The following CCDC102B variants were observed in gnomAD, a reference collection of about 807,000 sequenced individuals.
The protein encoded by CCDC102B is coiled-coil domain-containing protein 102B.
CCDC102B carries 75 observed loss-of-function variants against 57.4 expected under a neutral mutation model. The ratio of observed to expected loss-of-function variants is 1.31; its 90% CI spans 1.08 to 1.58. The LOEUF (loss-of-function observed/expected upper bound fraction) is 1.58, where lower values mean the gene tolerates loss of function less well. Ranked by LOEUF, CCDC102B falls within the 40% of genes most tolerant of loss-of-function variation. CCDC102B has a pLI of 0.00. For synonymous variants in CCDC102B, 206 were observed against 201.9 expected (o/e 1.02, Z -0.17); for missense variants, 636 against 582.6 (o/e 1.09, Z -0.94).
chr18:68,838,105 G>A (rs1289438847), intron 2 of CCDC102B, among the ~76,000 whole-genome samples: 1 of 152,172 alleles, frequency 6.6e-6, no homozygotes, highest in African/African-American at 2.4e-5. Context: ...AATACCAATA[G>A]CATGAGTCCT....
intron 2 of CCDC102B, among the ~76,000 whole-genome samples, chr18:68,741,474 A>C (rs2033378211): frequency 1.3e-5 from 2 of 152,282 alleles, no homozygotes; most frequent in South Asian, 2.1e-4. Context: ...TGGGGATCTA[A>C]GTGGGACAGA....
At chr18:68,928,769 G>GTAA in intron 6 of CCDC102B, among the ~76,000 whole-genome samples, 1 of 151,846 alleles carries the variant, frequency 6.6e-6, no homozygotes, top group African/African-American at 2.4e-5. Flanking sequence ...ATTAACTTGA[G>GTAA]CCTTTTTAAT....
rs1491376335 is a variant in CCDC102B, at chr18:68,765,311, AGG to A, written c.-67+48718_-67+48719del. ...AAGAAAGAAAGGAAGGAAGGAAGGA[AGG>A]AAGGAAGGAAGGAAAGAAAGAAAGA... On this transcript the variant is annotated intron_variant, in intron 2 of 3. Transcript: ENST00000578970. Among the ~76,000 whole-genome samples the A allele has an allele frequency of 7.3e-3, 584 of 79,902 alleles. 1 individual carries two copies. Among genetic ancestry groups the A allele is most frequent in the African/African-American group, 0.02 (346 of 17,596 alleles). 52.4% of individuals were successfully genotyped at this position (79,902 alleles called of 152,430 possible). A position where few individuals can be genotyped will look rare whatever the true frequency, so the allele number is the denominator to read the frequency against.
chr18:69,033,087 T>C (rs1365320875), intron 7 of CCDC102B, among the ~76,000 whole-genome samples: 1 of 152,132 alleles, frequency 6.6e-6, no homozygotes, highest in East Asian at 1.9e-4. Flanking sequence ...AGATAAAGCA[T>C]TATAATGTCA....
At chr18:68,948,535 C>T (rs1379181595) in intron 6 of CCDC102B, among the ~76,000 whole-genome samples, 2 of 152,078 alleles carry the variant, frequency 1.3e-5, no homozygotes, top group Non-Finnish European at 2.9e-5. Flanking sequence ...ACCACCAGAA[C>T]TTCATGATCA....
In CCDC102B at chr18:68,719,096, G is replaced by A. The variant is rs180867702; in HGVS notation, c.-67+2502G>A. Among the ~76,000 whole-genome samples the A allele has an allele frequency of 3.9e-5, 6 of 152,122 alleles. No homozygotes were observed. The East Asian group carries it at 5.8e-4, about 15-fold the overall frequency. ...AAGTCATTGTTATTTGAAAAACAAA[G>A]CAAAACTTGTTCAAAAACTAAAACG... On this transcript the variant is annotated intron_variant, in intron 2 of 3. Coordinates refer to the CCDC102B transcript ENST00000578970.
intron 4 of CCDC102B, among the ~76,000 whole-genome samples, chr18:68,870,459 G>A (rs376882423): frequency 6.6e-6 from 1 of 152,216 alleles, no homozygotes; most frequent in South Asian, 2.1e-4. Context: ...AATGTTAATG[G>A]GGAAGAAACC....
intron 6 of CCDC102B, among the ~76,000 whole-genome samples, chr18:68,994,370 C>T (rs1301511603): frequency 1.3e-5 from 2 of 151,862 alleles, no homozygotes; most frequent in Admixed American, 6.6e-5. Flanking sequence ...GAGTATGTTC[C>T]CTTTTCACTA....
At chr18:69,006,061 A>G (rs912919571) in intron 6 of CCDC102B, among the ~76,000 whole-genome samples, 1 of 152,142 alleles carries the variant, frequency 6.6e-6, no homozygotes, top group Non-Finnish European at 1.5e-5. Flanking sequence ...CCATTAAAGC[A>G]TATTAGAATA....
rs538415763 is a variant in CCDC102B at position 68,988,229 on chromosome 18, A to C, written c.1264-22705A>C. On this transcript the variant is annotated intron_variant, in intron 6 of 7. Transcript: ENST00000360242. ...ATGCAGCCATAAAAGGGAAAAAAAA[A>C]CATGTTTTTTGCAGCAACATGGATG... Among the ~76,000 whole-genome samples the C allele has an allele frequency of 3.0e-4, 45 of 152,224 alleles. No homozygotes were observed. The South Asian group carries it at 4.1e-3, about 14-fold the overall frequency.
At chr18:68,974,202 C>T (rs900990139) in intron 6 of CCDC102B, among the ~76,000 whole-genome samples, 1 of 151,930 alleles carries the variant, frequency 6.6e-6, no homozygotes, top group Non-Finnish European at 1.5e-5. Context: ...GTTCTGTGCT[C>T]GTGAATGGAT....
chr18:68,872,572 T>C (rs1286743233), intron 4 of CCDC102B, among the ~76,000 whole-genome samples: 1 of 152,058 alleles, frequency 6.6e-6, no homozygotes, highest in Admixed American at 6.6e-5. Flanking sequence ...TTCTCTTTTA[T>C]ATCTTACATT....
At chr18:68,716,807 G>A (rs1047001854) in intron 2 of CCDC102B, among the ~76,000 whole-genome samples, 9 of 151,810 alleles carry the variant, frequency 5.9e-5, no homozygotes, top group South Asian at 2.1e-4. Flanking sequence ...GGCCTGGCGC[G>A]GTGGCTTACA....
chr18:68,981,786 G>A (rs2050588812), intron 6 of CCDC102B, among the ~76,000 whole-genome samples: 1 of 151,844 alleles, frequency 6.6e-6, no homozygotes, highest in African/African-American at 2.4e-5. Context: ...TATTTAGAAA[G>A]ACAAATAGGT....
chr18:68,771,232 T>G (rs1404283134), intron 2 of CCDC102B, among the ~76,000 whole-genome samples: 1 of 152,142 alleles, frequency 6.6e-6, no homozygotes, highest in East Asian at 1.9e-4. Flanking sequence ...TCCAGGGTGA[T>G]GTGGTCAAAG....
chr18:68,969,156 GC>G (rs901803270), intron 6 of CCDC102B, among the ~76,000 whole-genome samples: 27 of 152,044 alleles, frequency 1.8e-4, no homozygotes, highest in African/African-American at 6.5e-4. Flanking sequence ...CAAAAACCAG[GC>G]CATGCTAACG....
chr18:69,005,372 TC>T (rs926908867), intron 6 of CCDC102B, among the ~76,000 whole-genome samples: 3 of 152,140 alleles, frequency 2.0e-5, no homozygotes, highest in African/African-American at 7.2e-5. Context: ...ATACTACAGA[TC>T]AGTATATTAT....
At chr18:68,941,059 G>A (rs920600989) in intron 6 of CCDC102B, among the ~76,000 whole-genome samples, 9 of 150,514 alleles carry the variant, frequency 6.0e-5, no homozygotes, top group African/African-American at 1.9e-4. Flanking sequence ...GGTAGAAGGA[G>A]GAAATATCTA....
At chr18:68,899,525 T>C (rs1301974948) in intron 6 of CCDC102B, among the ~76,000 whole-genome samples, 1 of 152,016 alleles carries the variant, frequency 6.6e-6, no homozygotes, top group East Asian at 1.9e-4. Context: ...GGTGCTAGCA[T>C]GTAAGGGACA....
Sources: gnomAD v4.1 joint callset for allele counts (sites outside exome capture counted in the v4.1 genomes callset) on GRCh38, gnomAD v4.1.1 for gene constraint, MANE v1.5 for transcripts, NCBI Gene and HGNC (gene_info 2026-07-23, HGNC 2026-07-21) for gene names.